ADGRL3: variants seen among roughly 807,000 people sequenced by gnomAD.
ADGRL3 encodes the protein adhesion G protein-coupled receptor L3, also known as calcium-independent alpha-latrotoxin receptor 3.
Under a neutral mutation model 153.5 loss-of-function variants are expected in ADGRL3, and 62 were observed. The observed-to-expected ratio is 0.40, with a 90% CI of 0.33 to 0.50. The LOEUF is 0.50. Ranked by LOEUF, ADGRL3 falls within the 20% of genes least tolerant of loss-of-function variation. ADGRL3 has a pLI of 0.47. For missense variants in ADGRL3, 1,641 were observed against 1,859.4 expected (o/e 0.88, Z 2.16); for synonymous variants, 710 against 672.5 (o/e 1.06, Z -0.86).
At chr4:61,450,920 A>G (rs1187741732) in intron 2 of ADGRL3, among the ~76,000 whole-genome samples, 1 of 152,136 alleles carries the variant, frequency 6.6e-6, no homozygotes, top group Non-Finnish European at 1.5e-5. Flanking sequence ...AAAGATTTTG[A>G]TTATTAACTA....
chr4:61,848,616 T>A (rs2098165574), intron 9 of ADGRL3, among the ~76,000 whole-genome samples: 1 of 152,118 alleles, frequency 6.6e-6, no homozygotes, highest in African/African-American at 2.4e-5. Context: ...AATGTATCTT[T>A]TTGAGGGACA....
intron 2 of ADGRL3, among the ~76,000 whole-genome samples, chr4:61,392,402 A>T (rs2096820021): frequency 6.6e-6 from 1 of 151,382 alleles, no homozygotes; most frequent in Non-Finnish European, 1.5e-5. Flanking sequence ...AAAGAGTCTC[A>T]GGCGCCGGGT....
intron 21 of ADGRL3, among the ~76,000 whole-genome samples, chr4:61,998,727 G>A (rs937239610): frequency 4.0e-5 from 6 of 151,690 alleles, no homozygotes; most frequent in African/African-American, 1.2e-4. Flanking sequence ...AGGTGCCCAC[G>A]ACCATGCCCT....
At chr4:61,997,445 T>C (rs2099125583) in intron 20 of ADGRL3, among the ~76,000 whole-genome samples, 1 of 152,098 alleles carries the variant, frequency 6.6e-6, no homozygotes, top group Non-Finnish European at 1.5e-5. Flanking sequence ...ATTGCGAACA[T>C]GTATTTTTGA....
chr4:61,920,317 A>C lies in ADGRL3; in HGVS notation c.2112+7560A>C, dbSNP rs2098762942. Among the ~76,000 whole-genome samples the C allele has an allele frequency of 2.0e-5, 3 of 152,322 alleles. No homozygotes were observed. In the South Asian group the frequency reaches 6.2e-4, roughly 32 times the overall value. On this transcript the variant is annotated intron_variant, in intron 13 of 26. Transcript: ENST00000683033. ...GGTAAAGGATATTAAAAACAGCATT[A>C]CAGATTTAAGATCCTGCTTTCTGAA...
Position 61,293,417 on chromosome 4 carries a change from C to T in ADGRL3, c.-239-89707C>T, listed in dbSNP as rs184231120. ...ACCCTATGATTTAAAAGCAGTTGCT[C>T]ACAATTCTAAAATGGATTTATTTTC... On this transcript the variant is annotated intron_variant, in intron 1 of 26. Coordinates refer to ENST00000683033, the MANE Select transcript of ADGRL3 (RefSeq NM_001387552.1). 1.6e-3 allele frequency among the ~76,000 whole-genome samples: 237 copies of T among 152,192 alleles called. 1 individual carries two copies. Among genetic ancestry groups the T allele is most frequent in the African/African-American group, 5.7e-3 (235 of 41,536 alleles).
At chr4:61,940,009 C>A (rs1450764758) in intron 15 of ADGRL3, among the ~76,000 whole-genome samples, 2 of 145,734 alleles carry the variant, frequency 1.4e-5, no homozygotes, top group African/African-American at 5.1e-5. Context: ...ATACATGTGC[C>A]ATGCTGGTGC....
chr4:61,572,170 T>C (rs2098841716), intron 4 of ADGRL3, among the ~76,000 whole-genome samples: 1 of 152,168 alleles, frequency 6.6e-6, no homozygotes, highest in African/African-American at 2.4e-5. Flanking sequence ...TAGATTTATA[T>C]TATGGTAAAC....
At position 62,078,063 on chromosome 4, in the gene ADGRL3, T is replaced by A. The variant is rs1747708324; in HGVS notation, c.*7155T>A. ...TATGTCTTTCTAAAAAACAATAGTT[T>A]ATTTTTAAAACTAACAACTAATTGT... On this transcript the variant is annotated 3_prime_UTR_variant, in exon 27 of 27. Transcript: ENST00000683033. The A allele has an allele frequency of 6.6e-6, 1 of 152,028 alleles. No homozygotes were observed. The highest frequency in any genetic ancestry group is 2.1e-4 in the South Asian group (1 of 4,834). 9.4% of individuals were successfully genotyped at this position (152,028 alleles called of 1,614,324 possible).
chr4:61,544,593 G>A (rs2148689608), intron 4 of ADGRL3, among the ~76,000 whole-genome samples: 1 of 152,066 alleles, frequency 6.6e-6, no homozygotes, highest in East Asian at 1.9e-4. Context: ...ATATTTGCAA[G>A]TATTACCTTA....
intron 9 of ADGRL3, among the ~76,000 whole-genome samples, chr4:61,843,768 C>A (rs933261144): frequency 6.6e-6 from 1 of 152,056 alleles, no homozygotes; most frequent in African/African-American, 2.4e-5. Context: ...TTCCAGCATG[C>A]TGGGAAGCCA....
chr4:61,810,820 T>C (rs1437177943), intron 8 of ADGRL3, among the ~76,000 whole-genome samples: 2 of 152,126 alleles, frequency 1.3e-5, no homozygotes, highest in Non-Finnish European at 2.9e-5. Context: ...TTTCTCCTTC[T>C]ACCCTCTCAA....
chr4:61,694,176 ATTATTTT>A lies in ADGRL3; in HGVS notation c.583+17244_583+17250del, dbSNP rs2095593750. Among the ~76,000 whole-genome samples the A allele has an allele frequency of 9.5e-5, 9 of 94,692 alleles. No homozygotes were observed. In the South Asian group the frequency reaches 1.3e-3, roughly 14 times the overall value. 62.1% of individuals were successfully genotyped at this position (94,692 alleles called of 152,430 possible). On this transcript the variant is annotated intron_variant, in intron 6 of 26. Transcript: ENST00000683033. ...TCCTATACTATTTTAAAATTTTGTC[ATTATTTT>A]TTTTTTTTTTTTTTTTTTTTTTTTT...
chr4:61,909,799 G>A, intron 12 of ADGRL3, 54 bp downstream of exon 12: 1 of 1,260,406 alleles, frequency 7.9e-7, no homozygotes, highest in Non-Finnish European at 1.1e-6. Context: ...GTGTGTGTGT[G>A]TGTCTTTAAA....
intron 26 of ADGRL3, among the ~76,000 whole-genome samples, chr4:62,069,787 T>A (rs1744858113): frequency 2.0e-5 from 3 of 152,160 alleles, no homozygotes. Context: ...TTGTCCAAGT[T>A]ATAACCAAAT....
intron 2 of ADGRL3, among the ~76,000 whole-genome samples, chr4:61,456,488 GATATATCTATATCTA>G (rs2097756875): frequency 5.7e-5 from 3 of 52,960 alleles, no homozygotes; most frequent in Admixed American, 2.7e-4. Context: ...TATATATATA[GATATATCTATATCTA>G]TATATATATA....
chr4:61,600,279 G>C (rs1203515463), intron 5 of ADGRL3, among the ~76,000 whole-genome samples: 1 of 125,838 alleles, frequency 7.9e-6, no homozygotes, highest in African/African-American at 2.9e-5. Context: ...CTGCACTCCA[G>C]CCTGGGCAGC....
At chr4:61,870,079 G>T (rs1220960149) in intron 9 of ADGRL3, among the ~76,000 whole-genome samples, 2 of 151,508 alleles carry the variant, frequency 1.3e-5, no homozygotes, top group Non-Finnish European at 2.9e-5. Flanking sequence ...CTATTGTTGG[G>T]ACTCAATGTG....
intron 1 of ADGRL3, among the ~76,000 whole-genome samples, chr4:61,316,307 G>T (rs1415693569): frequency 6.6e-6 from 1 of 152,116 alleles, no homozygotes; most frequent in Non-Finnish European, 1.5e-5. Context: ...GACCAGTGTG[G>T]CTGGCATTTA....
Sources: gnomAD v4.1 joint callset for allele counts (sites outside exome capture counted in the v4.1 genomes callset) on GRCh38, gnomAD v4.1.1 for gene constraint, MANE v1.5 for transcripts, NCBI Gene and HGNC (gene_info 2026-07-23, HGNC 2026-07-21) for gene names.